Variants in DAW1 observed in about 807,000 individuals in gnomAD.
DAW1 encodes dynein assembly factor with WD repeat domains 1.
A neutral mutation model predicts 56.5 loss-of-function variants in DAW1; 47 were observed. That is an observed-to-expected ratio of 0.83 (90% CI 0.66 to 1.06). DAW1 has a LOEUF of 1.06. Among genes scored for constraint, DAW1 ranks in the 50% least tolerant of loss-of-function variants. The pLI is 0.00. For synonymous variants in DAW1, 190 were observed against 179.0 expected, an observed-to-expected ratio of 1.06 and a Z score of -0.49; for missense variants, 505 against 499.3, an observed-to-expected ratio of 1.01 and a Z score of -0.11.
chr2:227,885,504 A>G (rs1691103375), intron 2 of DAW1, 81 bp downstream of exon 2: 4 of 1,012,630 alleles, frequency 4.0e-6, no homozygotes. Context: ...AGCTGCATAA[A>G]CTGCAGATAA....
rs763108552 is a variant in DAW1, at chr2:227,907,251, T to C, written c.972T>C (p.Asp324=). The C allele has an allele frequency of 1.2e-5, 19 of 1,610,636 alleles. No individual in the cohort carries two copies. The highest frequency in any genetic ancestry group is 3.3e-4 in the Middle Eastern group (2 of 6,050). Residue 324 remains aspartate, a splice_region_variant and synonymous_variant, in exon 10 of 13, where the codon GAT becomes GAC. Coordinates refer to ENST00000309931, the MANE Select transcript of DAW1 (RefSeq NM_178821.3). ...TGKLIATASA[D]GTARIFSAAT... ...AGCTTATTGCAACTGCTTCAGCTGA[T>C]GGTAGGTGATCTGTTCATTCTTTTA... is the stretch of plus-strand genomic sequence containing the variant.
chr2:227,880,956 G>T (rs1049147751), intron 1 of DAW1, among the ~76,000 whole-genome samples: 1 of 152,154 alleles, frequency 6.6e-6, no homozygotes, highest in Admixed American at 6.5e-5. Context: ...TTAATGTAAG[G>T]TGAGACGAGA....
chr2:227,912,873 A>G (rs902325568), intron 10 of DAW1, among the ~76,000 whole-genome samples: 10 of 152,150 alleles, frequency 6.6e-5, no homozygotes, highest in African/African-American at 1.7e-4. Context: ...TATCACTCCA[A>G]ATTTCCTTGG....
intron 5 of DAW1, among the ~76,000 whole-genome samples, chr2:227,894,826 G>C (rs1287892285): frequency 6.6e-6 from 1 of 152,200 alleles, no homozygotes; most frequent in Non-Finnish European, 1.5e-5. Flanking sequence ...GCCGGAATGG[G>C]CATCCTCCTC....
intron 4 of DAW1, among the ~76,000 whole-genome samples, chr2:227,893,561 A>G (rs1691327304): frequency 6.6e-6 from 1 of 151,634 alleles, no homozygotes; most frequent in Non-Finnish European, 1.5e-5. Flanking sequence ...AATCCCAGCT[A>G]CTCAGGAGGC....
chr2:227,921,169 G>A (rs1279838758), intron 11 of DAW1, among the ~76,000 whole-genome samples: 3 of 152,158 alleles, frequency 2.0e-5, no homozygotes, highest in Non-Finnish European at 4.4e-5. Context: ...AGAAATGTGA[G>A]GAGTAGGCAA....
intron 1 of DAW1, chr2:227,876,423 A>G: frequency 7.7e-7 from 1 of 1,301,558 alleles, no homozygotes; most frequent in Middle Eastern, 2.1e-4. Context: ...CATGCTTGAC[A>G]TTTAATTTCT....
chr2:227,915,407 T>C (rs1691929147), intron 10 of DAW1, among the ~76,000 whole-genome samples: 1 of 152,124 alleles, frequency 6.6e-6, no homozygotes, highest in Non-Finnish European at 1.5e-5. Flanking sequence ...TTGCCTCTTT[T>C]TCTTGATATC....
chr2:227,922,296 G>A (rs991721476), intron 12 of DAW1, among the ~76,000 whole-genome samples: 1 of 152,146 alleles, frequency 6.6e-6, no homozygotes, highest in African/African-American at 2.4e-5. Context: ...ACTAATGTCT[G>A]GGGGGAAAGA....
intron 10 of DAW1, among the ~76,000 whole-genome samples, chr2:227,911,910 A>C (rs1208714580): frequency 6.6e-6 from 1 of 152,118 alleles, no homozygotes; most frequent in Non-Finnish European, 1.5e-5. Context: ...CTCCCTGATG[A>C]CCACAAATGG....
At chr2:227,914,277 T>A (rs143758834) in intron 10 of DAW1, among the ~76,000 whole-genome samples, 2 of 152,202 alleles carry the variant, frequency 1.3e-5, no homozygotes, top group African/African-American at 4.8e-5. Context: ...TGTATGATGC[T>A]ACAATATGTC....
At chr2:227,918,678 G>C in intron 10 of DAW1, 102 bp from the exon 11 acceptor site, 3 of 1,251,784 alleles carry the variant, frequency 2.4e-6, no homozygotes, top group South Asian at 2.7e-5. Flanking sequence ...TTAGCACAGA[G>C]CTCGTGTGTC....
chr2:227,890,899 T>C (rs962772051), intron 3 of DAW1, among the ~76,000 whole-genome samples: 4 of 152,244 alleles, frequency 2.6e-5, no homozygotes, highest in South Asian at 2.1e-4. Flanking sequence ...AAACATTCAC[T>C]GTATGTTAGA....
At chr2:227,917,120 C>T (rs971486531) in intron 10 of DAW1, among the ~76,000 whole-genome samples, 2 of 93,020 alleles carry the variant, frequency 2.2e-5, no homozygotes, top group African/African-American at 6.2e-5. Context: ...CAGTATCTAT[C>T]TATCTATCTA....
At chr2:227,919,222 A>T (rs1692050427) in intron 11 of DAW1, among the ~76,000 whole-genome samples, 1 of 151,444 alleles carries the variant, frequency 6.6e-6, no homozygotes, top group Non-Finnish European at 1.5e-5. Context: ...AAAAAAAAAA[A>T]AAGCATGCTC....
intron 1 of DAW1, among the ~76,000 whole-genome samples, chr2:227,881,806 G>A (rs1322078445): frequency 7.5e-6 from 1 of 133,332 alleles, no homozygotes; most frequent in Non-Finnish European, 1.5e-5. Context: ...AGGCTGGAGT[G>A]CAGTGGTGCA....
At chr2:227,898,898 C>T (rs1379750091) in intron 6 of DAW1, among the ~76,000 whole-genome samples, 1 of 152,078 alleles carries the variant, frequency 6.6e-6, no homozygotes, top group African/African-American at 2.4e-5. Context: ...AGTACTGACT[C>T]AATGAGGGTC....
chr2:227,873,803 C>T (rs535033476), intron 1 of DAW1, among the ~76,000 whole-genome samples: 124 of 152,288 alleles, frequency 8.1e-4, no homozygotes, highest in Non-Finnish European at 1.6e-3. Context: ...CCCTTAGCCT[C>T]CCAGGTAGCT....
At chr2:227,913,931 A>T (rs62201059) in intron 10 of DAW1, among the ~76,000 whole-genome samples, 61,161 of 142,774 alleles carry the variant, frequency 0.43, 13,857 homozygotes, top group Middle Eastern at 0.54. Context: ...ATCTATCTTC[A>T]TCATCATCAT....
Sources: allele counts gnomAD v4.1 joint callset (sites outside exome capture counted in the v4.1 genomes callset), GRCh38; gene constraint gnomAD v4.1.1; transcripts MANE v1.5; gene names NCBI Gene and HGNC (gene_info 2026-07-23, HGNC 2026-07-21).